Variants in SYT10 observed in about 807,000 individuals in gnomAD.
SYT10 encodes the protein synaptotagmin 10, also known as synaptotagmin-10.
In SYT10, 31 loss-of-function variants were observed where a neutral mutation model predicts 51.1. That is an observed-to-expected ratio of 0.61 (90% CI 0.46 to 0.82). The LOEUF is 0.82. Among genes scored for constraint, SYT10 ranks in the 40% least tolerant of loss-of-function variants. The probability of loss-of-function intolerance (pLI) is 0.00; values close to 1 mark genes in which losing one functional copy is unlikely to be tolerated. For missense variants in SYT10, 603 were observed against 634.0 expected (o/e 0.95, Z 0.53); for synonymous variants, 233 against 225.9 (o/e 1.03, Z -0.28).
At chr12:33,436,613 G>T (rs1453803452) in intron 1 of SYT10, among the ~76,000 whole-genome samples, 1 of 152,056 alleles carries the variant, frequency 6.6e-6, no homozygotes, top group Non-Finnish European at 1.5e-5. Context: ...TGCTGATATG[G>T]TAAAAATAAT....
At chr12:33,380,940 T>C (rs1866109340) in intron 5 of SYT10, among the ~76,000 whole-genome samples, 1 of 152,164 alleles carries the variant, frequency 6.6e-6, no homozygotes, top group Non-Finnish European at 1.5e-5. Context: ...TAGATATGTA[T>C]ATGTAGTATT....
At chr12:33,405,364 G>A (rs1046257264) in intron 3 of SYT10, 20 of 152,036 alleles carry the variant, frequency 1.3e-4, no homozygotes, top group African/African-American at 4.8e-4. Flanking sequence ...GAACACAAAT[G>A]TGAAATCAAA....
At position 33,382,549 on chromosome 12, in the gene SYT10, ATAAAAG is replaced by A. The variant is rs1866125159; in HGVS notation, c.1199-35_1199-30del. On this transcript the variant is annotated intron_variant, in intron 4 of 6. Transcript: ENST00000228567. ...GGAATAAGAAGATAACTTTATTAAA[ATAAAAG>A]TAATAGTACAAAGCATAAATAAAAC... The A allele has an allele frequency of 1.9e-6, 3 of 1,552,900 alleles. No homozygotes were observed. The African/African-American group carries it at 4.2e-5, about 22-fold the overall frequency.
At chr12:33,377,629 CTTT>C (rs375275079) in intron 6 of SYT10, among the ~76,000 whole-genome samples, 1 of 113,996 alleles carries the variant, frequency 8.8e-6, no homozygotes, top group Non-Finnish European at 1.7e-5. Context: ...TTTTCTTTTT[CTTT>C]TTTTTTTTTT....
intron 3 of SYT10, among the ~76,000 whole-genome samples, chr12:33,401,929 G>C (rs1866310564): frequency 6.6e-6 from 1 of 152,216 alleles, no homozygotes; most frequent in East Asian, 1.9e-4. Context: ...CAGAAGCTCA[G>C]AGTCTAGTGG....
In SYT10 at chr12:33,374,400, T is replaced by C. The variant is rs1202262849; in HGVS notation, c.*2430A>G. The stretch of plus-strand genomic sequence containing the variant: ...GGGGATTTGTAATATCAAATCTTAT[T>C]TTAAATACTGAAACTGAAAATATTT... On this transcript the variant is annotated 3_prime_UTR_variant, in exon 7 of 7. Transcript: ENST00000228567. The C allele has an allele frequency of 1.3e-5, 2 of 151,748 alleles. No individual in the cohort carries two copies. Among genetic ancestry groups the C allele is most frequent in the East Asian group, 1.9e-4 (1 of 5,130 alleles). The allele number at this position is 151,748 out of a possible 1,614,324, so 9.4% of individuals were successfully genotyped here. A position where few individuals can be genotyped will look rare whatever the true frequency, so the allele number is the denominator to read the frequency against.
chr12:33,389,694 C>T (rs966344366), intron 3 of SYT10, among the ~76,000 whole-genome samples: 2 of 152,122 alleles, frequency 1.3e-5, no homozygotes, highest in African/African-American at 4.8e-5. Context: ...GTCATTACAT[C>T]AACTTAGCAC....
At chr12:33,424,318 C>T (rs2138430815) in intron 2 of SYT10, among the ~76,000 whole-genome samples, 1 of 152,068 alleles carries the variant, frequency 6.6e-6, no homozygotes, top group Non-Finnish European at 1.5e-5. Flanking sequence ...TTTTGTTTTT[C>T]TGAGGTTCCA....
chr12:33,398,143 G>T (rs1274361309), intron 3 of SYT10, among the ~76,000 whole-genome samples: 4 of 152,086 alleles, frequency 2.6e-5, no homozygotes, highest in African/African-American at 7.2e-5. Flanking sequence ...AAATAATTGG[G>T]ATACTGTCTC....
At chr12:33,406,703 G>T (rs1591989945) in intron 3 of SYT10, 86 bp downstream of exon 3, 2 of 1,157,484 alleles carry the variant, frequency 1.7e-6, no homozygotes, top group East Asian at 2.4e-5. Context: ...ACTCTGCAAG[G>T]CTTATTCCGA....
At chr12:33,428,050 G>A (rs188434563) in intron 1 of SYT10, among the ~76,000 whole-genome samples, 7 of 152,298 alleles carry the variant, frequency 4.6e-5, no homozygotes, top group African/African-American at 1.7e-4. Context: ...GATTACAAGA[G>A]CTATCCATGT....
chr12:33,434,600 TG>T (rs1323676615), intron 1 of SYT10, among the ~76,000 whole-genome samples: 1 of 152,160 alleles, frequency 6.6e-6, no homozygotes, highest in African/African-American at 2.4e-5. Context: ...GGTCGGGAGT[TG>T]GAGACCAGCC....
chr12:33,392,503 T>A (rs756248043), intron 3 of SYT10, among the ~76,000 whole-genome samples: 1 of 152,074 alleles, frequency 6.6e-6, no homozygotes, highest in Non-Finnish European at 1.5e-5. Flanking sequence ...TTGTGTTCCA[T>A]AGAGGTCAGG....
intron 2 of SYT10, among the ~76,000 whole-genome samples, chr12:33,409,111 T>A (rs915738197): frequency 5.3e-5 from 8 of 152,184 alleles, no homozygotes; most frequent in Non-Finnish European, 8.8e-5. Context: ...CAAAATACTT[T>A]ATTCACTTCT....
chr12:33,439,351 G>GGGTCCC, intron 1 of SYT10, 21 bp downstream of exon 1: 1 of 1,603,988 alleles, frequency 6.2e-7, no homozygotes, highest in Admixed American at 1.7e-5. Flanking sequence ...GCGAGGACGC[G>GGGTCCC]AGCGGAGCCC....
chr12:33,398,542 T>C (rs1743585152), intron 3 of SYT10, among the ~76,000 whole-genome samples: 1 of 151,882 alleles, frequency 6.6e-6, no homozygotes, highest in South Asian at 2.1e-4. Context: ...AAAGCAATAA[T>C]ATCTACTCAC....
At chr12:33,413,598 A>C (rs901797194) in intron 2 of SYT10, among the ~76,000 whole-genome samples, 16 of 152,186 alleles carry the variant, frequency 1.1e-4, no homozygotes, top group Admixed American at 1.0e-3. Context: ...TCATAAGTGA[A>C]GGAGAAATAA....
Position 33,375,653 on chromosome 12 carries a change from G to A in SYT10, c.*1177C>T, listed in dbSNP as rs937794006. ...CCTTATGAAGGCAAATGCCTTTCAT[G>A]CAAGGACTGGAGGCCTGGGCCTTTA... On this transcript the variant is annotated 3_prime_UTR_variant, in exon 7 of 7. Transcript: ENST00000228567. The A allele has an allele frequency of 3.9e-5, 6 of 152,116 alleles. No individual in the cohort carries two copies. Among genetic ancestry groups the A allele is most frequent in the Non-Finnish European group, 8.8e-5 (6 of 67,982 alleles). 9.4% of individuals were successfully genotyped at this position (152,116 alleles called of 1,614,324 possible). A position where few individuals can be genotyped will look rare whatever the true frequency, so the allele number is the denominator to read the frequency against.
At chr12:33,379,766 C>G in intron 6 of SYT10, 66 bp downstream of exon 6, 7 of 1,579,098 alleles carry the variant, frequency 4.4e-6, no homozygotes, top group Non-Finnish European at 5.2e-6. Flanking sequence ...TAAAGGTTAG[C>G]AAATAAATAA....
Sources: gnomAD v4.1 joint callset for allele counts (sites outside exome capture counted in the v4.1 genomes callset) on GRCh38, gnomAD v4.1.1 for gene constraint, MANE v1.5 for transcripts, NCBI Gene and HGNC (gene_info 2026-07-23, HGNC 2026-07-21) for gene names.